The following STRN variants were observed in gnomAD, a reference collection of about 807,000 sequenced individuals.
STRN encodes the protein protein phosphatase 2 regulatory subunit B'''alpha.
Under a neutral mutation model 96.3 loss-of-function variants are expected in STRN, and 53 were observed. The observed-to-expected ratio is 0.55, with a 90% CI of 0.44 to 0.69. The LOEUF is 0.69. Ranked by LOEUF, STRN falls within the 30% of genes least tolerant of loss-of-function variation. The pLI is 0.00. For synonymous variants in STRN, 428 were observed against 355.9 expected, an observed-to-expected ratio of 1.20 and a Z score of -2.28; for missense variants, 987 against 963.9, an observed-to-expected ratio of 1.02 and a Z score of -0.32.
At chr2:36,964,430 C>A (rs989537319) in intron 1 of STRN, among the ~76,000 whole-genome samples, 3 of 152,136 alleles carry the variant, frequency 2.0e-5, no homozygotes, top group Non-Finnish European at 4.4e-5. Flanking sequence ...CTGAAATCCA[C>A]ACCTTTTATA....
intron 9 of STRN, among the ~76,000 whole-genome samples, chr2:36,882,038 T>C (rs1350403023): frequency 6.6e-6 from 1 of 152,212 alleles, no homozygotes; most frequent in Admixed American, 6.5e-5. Context: ...ATTCTTTGTA[T>C]GGGTAATAAA....
chr2:36,888,639 ATGTG>A (rs70946958), intron 7 of STRN, among the ~76,000 whole-genome samples: 56,799 of 145,068 alleles, frequency 0.39, 12,115 homozygotes, highest in Admixed American at 0.49. Context: ...TTTAATTTAT[ATGTG>A]TGTGTGTGTG....
rs185078726 is a variant in STRN at position 36,869,069 on chromosome 2, G to A, written c.1499+485C>T. 4.1e-3 allele frequency among the ~76,000 whole-genome samples: 621 copies of A among 152,250 alleles called. 3 individuals carry two copies. Among genetic ancestry groups the A allele is most frequent in the Middle Eastern group, 0.014 (4 of 294 alleles). ...CCTCTGAGTCTAGACATATTGGTGG[G>A]TATGGAAAGTACCTAAAGTCTCAAG... On this transcript the variant is annotated intron_variant, in intron 11 of 17. Coordinates refer to ENST00000263918, the MANE Select transcript of STRN (RefSeq NM_003162.4).
At chr2:36,936,045 T>C (rs1335494787) in intron 1 of STRN, among the ~76,000 whole-genome samples, 4 of 152,042 alleles carry the variant, frequency 2.6e-5, no homozygotes, top group Non-Finnish European at 4.4e-5. Context: ...AAAAGCAAAG[T>C]AACAAAAGCA....
chr2:36,937,373 G>T (rs1330373892), intron 1 of STRN, among the ~76,000 whole-genome samples: 2 of 149,132 alleles, frequency 1.3e-5, no homozygotes, highest in Non-Finnish European at 3.0e-5. Context: ...AGAAAAGAAA[G>T]AAAAAGAAAA....
At chr2:36,905,140 T>G (rs1411863687) in intron 4 of STRN, among the ~76,000 whole-genome samples, 1 of 152,090 alleles carries the variant, frequency 6.6e-6, no homozygotes, top group Non-Finnish European at 1.5e-5. Flanking sequence ...CGGCTAATTT[T>G]GTGTTTTTAG....
rs146885926 is a variant in STRN, at chr2:36,875,701, C to T, written c.1323+2190G>A. ...AGAGGGAGTCTCGCTCTATCGCCCGCGCTGGAGTGCGGTGGCGCAATCTCG... is the reference window on the plus strand; with the variant it reads ...AGAGGGAGTCTCGCTCTATCGCCCGTGCTGGAGTGCGGTGGCGCAATCTCG... On this transcript the variant is annotated intron_variant, in intron 10 of 17. Coordinates refer to ENST00000263918, the MANE Select transcript of STRN (RefSeq NM_003162.4). 1.9e-3 allele frequency among the ~76,000 whole-genome samples: 286 copies of T among 149,484 alleles called. 3 individuals are homozygous for T. The highest frequency in any genetic ancestry group is 6.7e-3 in the African/African-American group (272 of 40,552).
At chr2:36,851,155 T>G in intron 15 of STRN, 48 bp from the exon 16 acceptor site, 1 of 1,497,300 alleles carries the variant, frequency 6.7e-7, no homozygotes, top group Non-Finnish European at 9.3e-7. Context: ...AAAGATATTT[T>G]TCACACAAAG....
At chr2:36,900,117 G>A (rs1352997979) in intron 5 of STRN, among the ~76,000 whole-genome samples, 1 of 151,954 alleles carries the variant, frequency 6.6e-6, no homozygotes, top group Non-Finnish European at 1.5e-5. Context: ...TCTAATTCCT[G>A]AGCCCAAGTG....
chr2:36,887,199 C>T (rs1435595453), intron 7 of STRN, among the ~76,000 whole-genome samples: 1 of 150,972 alleles, frequency 6.6e-6, no homozygotes, highest in East Asian at 1.9e-4. Context: ...GAGGCTGAGG[C>T]GGGTGGATCA....
At chr2:36,871,221 T>C (rs1441317019) in intron 10 of STRN, among the ~76,000 whole-genome samples, 1 of 152,242 alleles carries the variant, frequency 6.6e-6, no homozygotes, top group Non-Finnish European at 1.5e-5. Context: ...TCAATGGTAG[T>C]GTACAGTAAT....
intron 1 of STRN, among the ~76,000 whole-genome samples, chr2:36,935,097 CATA>C (rs907657600): frequency 5.9e-5 from 9 of 152,130 alleles, no homozygotes; most frequent in African/African-American, 9.7e-5. Context: ...GAACGAAACT[CATA>C]ATTTTATATT....
At chr2:36,936,491 C>T (rs758874751) in intron 1 of STRN, among the ~76,000 whole-genome samples, 3 of 152,080 alleles carry the variant, frequency 2.0e-5, no homozygotes, top group Admixed American at 1.3e-4. Flanking sequence ...TGAATGAACA[C>T]GTAATCTGAT....
At position 36,966,380 on chromosome 2, in the gene STRN, C is replaced by A. The variant is rs775254260; in HGVS notation, c.84G>T (p.Ala28=). Residue 28 remains alanine (A), a synonymous_variant, in exon 1 of 18, where the codon GCG becomes GCT. Transcript: ENST00000263918. ...CCCCGTCGCCGGCCGCGGCAGCCTC[C>A]GCCAGAGGCCCGAGCCCCTTGGCAC... is the stretch of plus-strand genomic sequence containing the variant. The part of the protein sequence containing the change: ...AGGAKGLGPL[A]EAAAAGDGAA... The A allele has an allele frequency of 4.1e-6, 6 of 1,459,648 alleles. No individual in the cohort carries two copies. In the South Asian group the frequency reaches 5.4e-5, roughly 13 times the overall value. The allele number at this position is 1,459,648 out of a possible 1,614,324, so 90.4% of individuals were successfully genotyped here.
chr2:36,902,558 A>G (rs746929779), intron 5 of STRN, 26 bp downstream of exon 5: 21 of 1,569,496 alleles, frequency 1.3e-5, no homozygotes, highest in Non-Finnish European at 1.8e-5. Context: ...ATAATAGCTA[A>G]AACACTTTCC....
At chr2:36,949,351 G>A (rs1488609737) in intron 1 of STRN, among the ~76,000 whole-genome samples, 2 of 152,056 alleles carry the variant, frequency 1.3e-5, no homozygotes, top group African/African-American at 4.8e-5. Context: ...CTAATATGTA[G>A]GAAATATAAA....
rs185025239 is a variant in STRN, at chr2:36,868,309, A to C, written c.1500-448T>G. 7.9e-5 allele frequency among the ~76,000 whole-genome samples: 12 copies of C among 152,358 alleles called. No homozygotes were observed. In the East Asian group the frequency reaches 2.1e-3, roughly 27 times the overall value. Reference sequence around the variant, plus strand: ...GGATTAAATAGGATTCTACAATTTAAAAAACACCCCAGGACACAATCATGC... The same window carrying C: ...GGATTAAATAGGATTCTACAATTTACAAAACACCCCAGGACACAATCATGC... On this transcript the variant is annotated intron_variant, in intron 11 of 17. Coordinates refer to ENST00000263918, the MANE Select transcript of STRN (RefSeq NM_003162.4).
At chr2:36,866,661 T>C (rs924925424) in intron 12 of STRN, among the ~76,000 whole-genome samples, 1 of 152,214 alleles carries the variant, frequency 6.6e-6, no homozygotes, top group African/African-American at 2.4e-5. Context: ...TGTAAAGTTA[T>C]ATAAATCTTT....
intron 1 of STRN, among the ~76,000 whole-genome samples, chr2:36,962,054 A>G (rs1338157154): frequency 1.3e-5 from 2 of 151,974 alleles, no homozygotes; most frequent in Non-Finnish European, 2.9e-5. Flanking sequence ...CCAACATTCT[A>G]TGTATTTATT....
Sources: gnomAD v4.1 joint callset for allele counts (sites outside exome capture counted in the v4.1 genomes callset) on GRCh38, gnomAD v4.1.1 for gene constraint, MANE v1.5 for transcripts, NCBI Gene and HGNC (gene_info 2026-07-23, HGNC 2026-07-21) for gene names.